Variants in RNF182 observed in about 807,000 individuals in gnomAD.
RNF182 encodes E3 ubiquitin-protein ligase RNF182.
RNF182 carries 15 observed loss-of-function variants against 14.4 expected under a neutral mutation model. That is an observed-to-expected ratio of 1.04 (90% CI 0.70 to 1.60). The LOEUF (loss-of-function observed/expected upper bound fraction) is 1.60. Ranked by LOEUF, RNF182 falls within the 40% of genes most tolerant of loss-of-function variation. The pLI is 0.00. For synonymous variants in RNF182, 128 were observed against 122.9 expected (o/e 1.04, Z -0.27); for missense variants, 268 against 294.8 (o/e 0.91, Z 0.67).
chr6:13,927,586 CAAAA>C (rs914611541), intron 1 of RNF182, among the ~76,000 whole-genome samples: 1 of 151,580 alleles, frequency 6.6e-6, no homozygotes. Context: ...TATCCAAAGA[CAAAA>C]AAAAGCCACA....
Position 13,978,114 on chromosome 6 carries a change from A to G in RNF182, c.*251A>G, listed in dbSNP as rs969953499. On this transcript the variant is annotated 3_prime_UTR_variant, in exon 3 of 3. Coordinates refer to ENST00000488300, the MANE Select transcript of RNF182 (RefSeq NM_152737.4). Reference sequence around the variant, plus strand: ...CTGACAGCAGTGAGTCTTCCCAGAGAAAGGACAGGGTTTCTCTCAGCACTG... The same window carrying G: ...CTGACAGCAGTGAGTCTTCCCAGAGGAAGGACAGGGTTTCTCTCAGCACTG... 13 of 427,304 alleles carry G rather than the reference A, an allele frequency of 3.0e-5. No homozygotes were observed. Among genetic ancestry groups the G allele is most frequent in the Non-Finnish European group, 5.2e-5 (12 of 230,448 alleles). The allele number at this position is 427,304 out of a possible 1,614,324, so 26.5% of individuals were successfully genotyped here. A position where few individuals can be genotyped will look rare whatever the true frequency, so the allele number is the denominator to read the frequency against.
At chr6:13,938,848 C>G (rs752617168) in intron 1 of RNF182, among the ~76,000 whole-genome samples, 1 of 152,102 alleles carries the variant, frequency 6.6e-6, no homozygotes, top group South Asian at 2.1e-4. Context: ...TTTGGGAGGC[C>G]GAGGTGGGTG....
intron 1 of RNF182, chr6:13,949,682 T>G (rs1463771744): frequency 3.5e-6 from 1 of 281,790 alleles, no homozygotes; most frequent in Non-Finnish European, 7.0e-6. Flanking sequence ...AAGTTTTACT[T>G]GTTTCTCAGT....
intron 1 of RNF182, among the ~76,000 whole-genome samples, chr6:13,956,335 T>C (rs981367320): frequency 6.6e-6 from 1 of 151,920 alleles, no homozygotes; most frequent in Non-Finnish European, 1.5e-5. Flanking sequence ...TCCTTTTTTG[T>C]TTTTTTGAGA....
intron 1 of RNF182, among the ~76,000 whole-genome samples, chr6:13,935,240 A>G (rs756467731): frequency 1.3e-5 from 2 of 152,176 alleles, no homozygotes; most frequent in Non-Finnish European, 2.9e-5. Flanking sequence ...TTTTACATTT[A>G]TTTATGTGAT....
intron 1 of RNF182, among the ~76,000 whole-genome samples, chr6:13,957,991 G>T (rs773000321): frequency 1.3e-5 from 2 of 151,888 alleles, no homozygotes; most frequent in Non-Finnish European, 2.9e-5. Context: ...ACAAAGAATG[G>T]AATTCTTTTA....
chr6:13,978,729 G>A lies in RNF182; in HGVS notation c.*866G>A, dbSNP rs935191008. 3.6e-5 allele frequency: 6 copies of A among 166,926 alleles called. No homozygotes were observed. Among genetic ancestry groups the A allele is most frequent in the Admixed American group, 3.3e-4 (5 of 15,276 alleles). The allele number at this position is 166,926 out of a possible 1,614,324, so 10.3% of individuals were successfully genotyped here. On this transcript the variant is annotated 3_prime_UTR_variant, in exon 3 of 3. Transcript: ENST00000488300. ...CAGCCTCACCCCTTGTCCTGAAAAG[G>A]TTCCATTTAAATTAGTTGCTATAAA...
chr6:13,925,250 G>GGCGGAGGGCGGCT (rs1330482982), intron 1 of RNF182: 1 of 151,692 alleles, frequency 6.6e-6, no homozygotes, highest in Non-Finnish European at 1.5e-5. Flanking sequence ...GGGGCTGTGC[G>GGCGGAGGGCGGCT]GCGGAGGGCG....
chr6:13,975,761 A>G (rs186517370), intron 2 of RNF182, among the ~76,000 whole-genome samples: 181 of 152,350 alleles, frequency 1.2e-3, no homozygotes, highest in Non-Finnish European at 2.0e-3. Context: ...CAGAACTGTT[A>G]TGACAGCTTT....
At position 13,976,934 on chromosome 6, in the gene RNF182, T is replaced by C. The variant is rs182795756; in HGVS notation, c.-186T>C. On this transcript the variant is annotated 5_prime_UTR_variant, in exon 3 of 3. The change abolishes an upstream ATG in the 5' untranslated region. Coordinates refer to ENST00000488300, the MANE Select transcript of RNF182 (RefSeq NM_152737.4). ...ACCCTTCATGTGGCCTTTATAAATATGCGTTTGAGACAGAGTTATATGCAG... is the reference window on the plus strand; with the variant it reads ...ACCCTTCATGTGGCCTTTATAAATACGCGTTTGAGACAGAGTTATATGCAG... The C allele has an allele frequency of 1.1e-5, 7 of 638,400 alleles. No homozygotes were observed. The highest frequency in any genetic ancestry group is 1.9e-5 in the Non-Finnish European group (7 of 363,124). The allele number at this position is 638,400 out of a possible 1,614,324, so 39.5% of individuals were successfully genotyped here. A position where few individuals can be genotyped will look rare whatever the true frequency, so the allele number is the denominator to read the frequency against.
At chr6:13,975,524 T>C (rs1387611294) in intron 2 of RNF182, among the ~76,000 whole-genome samples, 1 of 152,234 alleles carries the variant, frequency 6.6e-6, no homozygotes, top group Non-Finnish European at 1.5e-5. Flanking sequence ...TAGATTGACT[T>C]CTTTTTGCCA....
chr6:13,954,256 A>G (rs1296197725), intron 1 of RNF182, among the ~76,000 whole-genome samples: 1 of 152,226 alleles, frequency 6.6e-6, no homozygotes, highest in Non-Finnish European at 1.5e-5. Context: ...ATATAACTGC[A>G]ATGTCATTAT....
chr6:13,947,293 G>T (rs559742242), intron 1 of RNF182, among the ~76,000 whole-genome samples: 3 of 152,286 alleles, frequency 2.0e-5, no homozygotes, highest in Admixed American at 6.5e-5. Context: ...CTAGAGTCTG[G>T]TAACAGGTGT....
intron 1 of RNF182, chr6:13,949,305 G>A: frequency 1.3e-6 from 1 of 776,010 alleles, no homozygotes; most frequent in Non-Finnish European, 2.4e-6. Flanking sequence ...CTGACATGTG[G>A]GCATCCTGCG....
At position 13,979,484 on chromosome 6, in the gene RNF182, A is replaced by G. The variant is rs992927378; in HGVS notation, c.*1621A>G. ...AATTGTAAAACTAAACTTCGGGAAT[A>G]TGTATGCCCAAAGTAAGTAGGATGA... On this transcript the variant is annotated 3_prime_UTR_variant, in exon 3 of 3. Transcript: ENST00000488300. 4 of 167,166 alleles carry G rather than the reference A, an allele frequency of 2.4e-5. No homozygotes were observed. The East Asian group carries it at 7.7e-4, about 32-fold the overall frequency. The allele number at this position is 167,166 out of a possible 1,614,324, so 10.4% of individuals were successfully genotyped here.
chr6:13,928,597 TA>T (rs1340541879), intron 1 of RNF182, among the ~76,000 whole-genome samples: 2 of 152,206 alleles, frequency 1.3e-5, no homozygotes, highest in African/African-American at 4.8e-5. Flanking sequence ...ATAGTGGGCA[TA>T]AAAAACACAT....
intron 1 of RNF182, among the ~76,000 whole-genome samples, chr6:13,926,906 C>T (rs1225203291): frequency 6.6e-6 from 1 of 152,024 alleles, no homozygotes; most frequent in Non-Finnish European, 1.5e-5. Context: ...GAAACCCACA[C>T]TGTGAGTTCT....
At chr6:13,964,967 G>C (rs1447651996) in intron 1 of RNF182, among the ~76,000 whole-genome samples, 1 of 152,134 alleles carries the variant, frequency 6.6e-6, no homozygotes, top group Non-Finnish European at 1.5e-5. Flanking sequence ...TCAGTTCCAT[G>C]GGTCCTTCAA....
At chr6:13,926,128 A>G (rs936956878) in intron 1 of RNF182, among the ~76,000 whole-genome samples, 17 of 152,350 alleles carry the variant, frequency 1.1e-4, no homozygotes, top group Non-Finnish European at 2.1e-4. Flanking sequence ...TCATATTGAT[A>G]ACTGGAAAAT....
Sources: gnomAD v4.1 joint callset for allele counts (sites outside exome capture counted in the v4.1 genomes callset) on GRCh38, gnomAD v4.1.1 for gene constraint, MANE v1.5 for transcripts, NCBI Gene and HGNC (gene_info 2026-07-23, HGNC 2026-07-21) for gene names.